RFX8: variants seen among roughly 807,000 people sequenced by gnomAD.
RFX8 encodes DNA-binding protein RFX8.
Under a neutral mutation model 54.6 loss-of-function variants are expected in RFX8, and 46 were observed. That is an observed-to-expected ratio of 0.84 (90% CI 0.67 to 1.08). The LOEUF is 1.08. Ranked by LOEUF, RFX8 falls within the 50% of genes least tolerant of loss-of-function variation. The pLI is 0.00. For synonymous variants in RFX8, 192 were observed against 209.5 expected (o/e 0.92, Z 0.72); for missense variants, 536 against 562.3 (o/e 0.95, Z 0.47).
At chr2:101,452,168 A>G (rs1688720879) in intron 2 of RFX8, among the ~76,000 whole-genome samples, 1 of 152,226 alleles carries the variant, frequency 6.6e-6, no homozygotes, top group South Asian at 2.1e-4. Flanking sequence ...TGTAACCTTC[A>G]TATTTTAACA....
chr2:101,403,525 G>T (rs185652473), intron 10 of RFX8, among the ~76,000 whole-genome samples: 1 of 152,258 alleles, frequency 6.6e-6, no homozygotes, highest in South Asian at 2.1e-4. Context: ...AGCGGCTCAC[G>T]CCTGTAATCC....
chr2:101,426,589 A>G (rs1183240765), intron 2 of RFX8, among the ~76,000 whole-genome samples: 1 of 152,240 alleles, frequency 6.6e-6, no homozygotes, highest in Non-Finnish European at 1.5e-5. Context: ...TATCTAAAAA[A>G]TGACCATTGA....
chr2:101,453,713 G>GCAT (rs1688820218), intron 2 of RFX8, among the ~76,000 whole-genome samples: 1 of 152,118 alleles, frequency 6.6e-6, no homozygotes, highest in South Asian at 2.1e-4. Flanking sequence ...CTACAGTTTT[G>GCAT]CATTCTACTT....
At position 101,428,097 on chromosome 2, in the gene RFX8, C is replaced by G. The variant is rs556654302; in HGVS notation, c.73-5625G>C. Among the ~76,000 whole-genome samples the G allele has an allele frequency of 3.3e-5, 5 of 152,168 alleles. No homozygotes were observed. The East Asian group carries it at 7.7e-4, about 24-fold the overall frequency. ...TCTCTTGGGGTCAGGAGTTCGAGACCAGCCTGGCCAACTTGATGAAACCCT... is the reference window on the plus strand; with the variant it reads ...TCTCTTGGGGTCAGGAGTTCGAGACGAGCCTGGCCAACTTGATGAAACCCT... On this transcript the variant is annotated intron_variant, in intron 2 of 11. Transcript: ENST00000428343.
chr2:101,404,329 G>A (rs903269860), intron 10 of RFX8, among the ~76,000 whole-genome samples: 5 of 152,190 alleles, frequency 3.3e-5, no homozygotes, highest in Non-Finnish European at 5.9e-5. Context: ...AAAAATCATA[G>A]TCCAAGTCCT....
At chr2:101,405,872 G>T in intron 10 of RFX8, 71 bp downstream of exon 10, 1 of 945,758 alleles carries the variant, frequency 1.1e-6, no homozygotes, top group Non-Finnish European at 1.6e-6. Flanking sequence ...ATAGCAATAC[G>T]CAAAATACTT....
intron 4 of RFX8, among the ~76,000 whole-genome samples, chr2:101,420,192 C>T (rs1686781854): frequency 6.6e-6 from 1 of 152,100 alleles, no homozygotes. Context: ...CATCCGAGGC[C>T]CCTTCTGGCA....
intron 9 of RFX8, among the ~76,000 whole-genome samples, chr2:101,409,534 T>G (rs1437951638): frequency 6.7e-6 from 1 of 148,936 alleles, no homozygotes; most frequent in Admixed American, 6.7e-5. Flanking sequence ...CCAGACGGAG[T>G]CTTTTGTTGC....
intron 7 of RFX8, among the ~76,000 whole-genome samples, chr2:101,414,399 G>A (rs1470891098): frequency 6.6e-6 from 1 of 151,840 alleles, no homozygotes; most frequent in Non-Finnish European, 1.5e-5. Context: ...CTGAGTAGCT[G>A]GGACTCCAGG....
intron 2 of RFX8, among the ~76,000 whole-genome samples, chr2:101,439,055 C>A (rs566845101): frequency 1.3e-5 from 2 of 152,210 alleles, no homozygotes; most frequent in East Asian, 3.9e-4. Context: ...TCAGGTGATC[C>A]ACCTGCCTCA....
chr2:101,413,777 C>A (rs1445532733), intron 7 of RFX8, among the ~76,000 whole-genome samples: 1 of 152,126 alleles, frequency 6.6e-6, no homozygotes, highest in African/African-American at 2.4e-5. Context: ...CAGGTCATTT[C>A]CAGACTGACC....
intron 1 of RFX8, among the ~76,000 whole-genome samples, chr2:101,471,482 G>C (rs1382963091): frequency 1.3e-5 from 2 of 152,148 alleles, no homozygotes; most frequent in African/African-American, 2.4e-5. Context: ...TTTCAACAGA[G>C]TCTGCAGAAA....
At position 101,431,855 on chromosome 2, in the gene RFX8, G is replaced by A. The variant is rs369726672; in HGVS notation, c.73-9383C>T. Among the ~76,000 whole-genome samples the A allele has an allele frequency of 9.9e-5, 15 of 152,182 alleles. No individual in the cohort carries two copies. In the South Asian group the frequency reaches 2.5e-3, roughly 25 times the overall value. On this transcript the variant is annotated intron_variant, in intron 2 of 11. Coordinates refer to ENST00000428343, the MANE Select transcript of RFX8 (RefSeq NM_001145664.2). ...TCATCTTTATAGGGAAGCCTGAAGG[G>A]ACGTGCCTGCCATCACCCTCCTCAT...
chr2:101,472,464 A>G (rs2149003777), intron 1 of RFX8, among the ~76,000 whole-genome samples: 1 of 152,064 alleles, frequency 6.6e-6, no homozygotes, highest in East Asian at 1.9e-4. Flanking sequence ...AGTCCTCCCC[A>G]ATGAAAAGGT....
At chr2:101,472,962 T>C (rs1690093041) in intron 1 of RFX8, among the ~76,000 whole-genome samples, 2 of 151,664 alleles carry the variant, frequency 1.3e-5, no homozygotes, top group African/African-American at 4.9e-5. Flanking sequence ...GAGGTCACAG[T>C]GAACCAAGAT....
intron 9 of RFX8, among the ~76,000 whole-genome samples, chr2:101,406,287 G>A (rs2104527490): frequency 6.6e-6 from 1 of 151,964 alleles, no homozygotes; most frequent in East Asian, 2.0e-4. Context: ...TGGAGAGAAG[G>A]AGGGAGGTAG....
intron 7 of RFX8, among the ~76,000 whole-genome samples, 200 bp from the exon 8 acceptor site, chr2:101,413,271 A>G (rs1420450780): frequency 6.6e-6 from 1 of 152,206 alleles, no homozygotes; most frequent in Non-Finnish European, 1.5e-5. Flanking sequence ...TGGAAGGAGA[A>G]AGAACGCATC....
At chr2:101,453,510 A>G (rs1291502349) in intron 2 of RFX8, among the ~76,000 whole-genome samples, 1 of 152,054 alleles carries the variant, frequency 6.6e-6, no homozygotes, top group Non-Finnish European at 1.5e-5. Flanking sequence ...TGAACCCAGG[A>G]GGCAGAGGTT....
chr2:101,410,391 T>TCACACACACACA (rs5832965), intron 9 of RFX8, among the ~76,000 whole-genome samples: 1 of 119,508 alleles, frequency 8.4e-6, no homozygotes, highest in East Asian at 2.6e-4. Flanking sequence ...ATGCCCACAC[T>TCACACACACACA]CACACACACA....
Sources: allele counts gnomAD v4.1 joint callset (sites outside exome capture counted in the v4.1 genomes callset), GRCh38; gene constraint gnomAD v4.1.1; transcripts MANE v1.5; gene names NCBI Gene and HGNC (gene_info 2026-07-23, HGNC 2026-07-21).